NRXN2: variants seen among roughly 807,000 people sequenced by gnomAD.
The protein encoded by NRXN2 is neurexin-2-beta.
In NRXN2, 29 loss-of-function variants were observed where a neutral mutation model predicts 128.8. The ratio of observed to expected loss-of-function variants is 0.23; its 90% confidence interval spans 0.17 to 0.31. The LOEUF (loss-of-function observed/expected upper bound fraction) is 0.31. Among genes scored for constraint, NRXN2 ranks in the 10% least tolerant of loss-of-function variants. The pLI is 1.00. For missense variants in NRXN2, 1,881 were observed against 2,452.6 expected (o/e 0.77, Z 4.92); for synonymous variants, 1,098 against 1,075.2 (o/e 1.02, Z -0.41).
At chr11:64,634,988 C>G (rs1175482680) in intron 18 of NRXN2, among the ~76,000 whole-genome samples, 1 of 152,144 alleles carries the variant, frequency 6.6e-6, no homozygotes, top group African/African-American at 2.4e-5. Context: ...CCCTTGACTA[C>G]TTTTAGGAAG....
chr11:64,701,609 C>T (rs992507025), intron 2 of NRXN2, among the ~76,000 whole-genome samples: 1 of 152,142 alleles, frequency 6.6e-6, no homozygotes, highest in Non-Finnish European at 1.5e-5. Flanking sequence ...TGTAATGGCT[C>T]GTGTCAGTAC....
At chr11:64,659,812 A>G in intron 11 of NRXN2, 1 of 207,334 alleles carries the variant, frequency 4.8e-6, no homozygotes, top group Non-Finnish European at 9.9e-6. Flanking sequence ...ACACACATGC[A>G]CCTCCACACA....
rs375395072 is a variant in NRXN2, at chr11:64,651,160, T to C, written c.2918+95A>G. The C allele has an allele frequency of 3.5e-5, 54 of 1,539,214 alleles. No homozygotes were observed. The highest frequency in any genetic ancestry group is 1.6e-4 in the East Asian group (7 of 44,558). Reference sequence around the variant, plus strand: ...AATCTTGACTTGTGATCTGGGGGGATTGGACACCTCGGCCAGTAGCCAGGA... The same window carrying C: ...AATCTTGACTTGTGATCTGGGGGGACTGGACACCTCGGCCAGTAGCCAGGA... On this transcript the variant is annotated intron_variant, in intron 14 of 22. Coordinates refer to ENST00000265459, the MANE Select transcript of NRXN2 (RefSeq NM_015080.4). The surrounding 1 kb of genome is among the most constrained non-coding windows in gnomAD (Gnocchi z 5.9).
At chr11:64,669,304 C>G (rs1156405448) in intron 7 of NRXN2, among the ~76,000 whole-genome samples, 1 of 152,196 alleles carries the variant, frequency 6.6e-6, no homozygotes, top group Non-Finnish European at 1.5e-5. Flanking sequence ...CTTCACTCCT[C>G]AGGTCTCCTT....
chr11:64,705,296 G>GCTCA (rs1565460054), intron 2 of NRXN2, among the ~76,000 whole-genome samples: 1 of 152,152 alleles, frequency 6.6e-6, no homozygotes, highest in African/African-American at 2.4e-5. Flanking sequence ...TCAGCTCAGG[G>GCTCA]CTCAGATCCC....
Position 64,620,322 on chromosome 11 carries a change from C to G in NRXN2, c.4224G>C (p.Glu1408Asp). Residue 1408 changes from glutamate (E) to aspartate (D), a missense_variant, in exon 22 of 23, where the codon GAG (glutamate) becomes GAC (aspartate). Coordinates refer to ENST00000265459, the MANE Select transcript of NRXN2 (RefSeq NM_015080.4). ...TACTGGGCTCACACTCCTCCAGGTC[C>G]TCATCATCGCTTGGACACTCAGCAG... ...VASAECPSDD[E>D]DLEECEPSTG... 6.4e-7 allele frequency: 1 copy of G among 1,554,164 alleles called. No individual in the cohort carries two copies. Among genetic ancestry groups the G allele is most frequent in the Non-Finnish European group, 8.7e-7 (1 of 1,148,350 alleles).
intron 2 of NRXN2, among the ~76,000 whole-genome samples, chr11:64,701,891 C>T (rs1224803093): frequency 1.7e-5 from 2 of 115,920 alleles, no homozygotes; most frequent in South Asian, 2.9e-4. Flanking sequence ...CCGCTCTGTC[C>T]GGGAGGGAGG....
Position 64,650,777 on chromosome 11 carries a change from C to A in NRXN2, c.2919-139G>T. ...AAAGGGAGACCCCAGAGGAGAGCGA[C>A]CAAAACCAATGGCAAGAGGGCTATG... On this transcript the variant is annotated intron_variant, in intron 14 of 22. Transcript: ENST00000265459. The A allele has an allele frequency of 3.9e-6, 3 of 760,930 alleles. No individual in the cohort carries two copies. In the South Asian group the frequency reaches 4.9e-5, roughly 12 times the overall value. 47.1% of individuals were successfully genotyped at this position (760,930 alleles called of 1,614,324 possible). A position where few individuals can be genotyped will look rare whatever the true frequency, so the allele number is the denominator to read the frequency against.
At chr11:64,719,065 A>G (rs1441361707) in intron 1 of NRXN2, among the ~76,000 whole-genome samples, 1 of 152,214 alleles carries the variant, frequency 6.6e-6, no homozygotes, top group Non-Finnish European at 1.5e-5. Context: ...ATTAACATAC[A>G]TAAAGCTCCT....
At chr11:64,715,370 G>A (rs2057268224) in intron 1 of NRXN2, among the ~76,000 whole-genome samples, 1 of 152,152 alleles carries the variant, frequency 6.6e-6, no homozygotes, top group Non-Finnish European at 1.5e-5. Context: ...AGCATCCCCA[G>A]GAAATAGACA....
intron 22 of NRXN2, among the ~76,000 whole-genome samples, chr11:64,612,553 C>T (rs2040837147): frequency 6.6e-6 from 1 of 152,038 alleles, no homozygotes; most frequent in Admixed American, 6.5e-5. Context: ...CCAGGGGGAC[C>T]ACCAGCCATT....
intron 22 of NRXN2, among the ~76,000 whole-genome samples, chr11:64,619,972 C>G (rs906487978): frequency 1.3e-5 from 2 of 152,154 alleles, no homozygotes; most frequent in African/African-American, 2.4e-5. Flanking sequence ...TTCACCCTCC[C>G]CCACCCCAGG....
intron 22 of NRXN2, among the ~76,000 whole-genome samples, chr11:64,613,937 T>C (rs1215424395): frequency 6.6e-6 from 1 of 152,100 alleles, no homozygotes; most frequent in Non-Finnish European, 1.5e-5. Context: ...GTCTGGGCAC[T>C]GAGGGAAAGG....
intron 12 of NRXN2, among the ~76,000 whole-genome samples, chr11:64,653,010 C>T (rs1182846445): frequency 6.6e-6 from 1 of 150,868 alleles, no homozygotes; most frequent in Non-Finnish European, 1.5e-5. Flanking sequence ...AGTCTCTCTG[C>T]CTGGGCCTAC....
rs557438923 is a variant in NRXN2 at position 64,682,071 on chromosome 11, TGGACTCCATCCTTGA to T, written c.1152+3560_1152+3574del. On this transcript the variant is annotated intron_variant, in intron 6 of 22. Transcript: ENST00000265459. ...CATCTTTGGGGGGCTACACTCTTGC[TGGACTCCATCCTTGA>T]GGACTGCATCCTTGGTGGACTCCAA... Among the ~76,000 whole-genome samples the T allele has an allele frequency of 2.0e-4, 31 of 151,758 alleles. No individual in the cohort carries two copies. In the South Asian group the frequency reaches 4.4e-3, roughly 21 times the overall value.
At chr11:64,677,074 G>GC in intron 6 of NRXN2, 37 bp from the exon 7 acceptor site, 2 of 1,114,014 alleles carry the variant, frequency 1.8e-6, no homozygotes, top group Admixed American at 2.2e-5. Flanking sequence ...GAGGAGGGGG[G>GC]TGTCAAAAAA....
chr11:64,708,426 C>G (rs1040621099), intron 2 of NRXN2, among the ~76,000 whole-genome samples: 30 of 152,332 alleles, frequency 2.0e-4, no homozygotes, highest in African/African-American at 7.0e-4. Context: ...TCTCCACACA[C>G]ACAGGTGACA....
intron 1 of NRXN2, among the ~76,000 whole-genome samples, chr11:64,719,940 C>T (rs772025159): frequency 6.6e-6 from 1 of 152,210 alleles, no homozygotes; most frequent in African/African-American, 2.4e-5. Flanking sequence ...TTCTATGTGT[C>T]TTACAAATAC....
At chr11:64,684,908 G>A (rs954913707) in intron 6 of NRXN2, among the ~76,000 whole-genome samples, 9 of 152,206 alleles carry the variant, frequency 5.9e-5, no homozygotes, top group East Asian at 1.9e-4. Flanking sequence ...GAGCACCTGC[G>A]TGGGCTTGCC....
Sources: gnomAD v4.1 joint callset for allele counts (sites outside exome capture counted in the v4.1 genomes callset) on GRCh38, gnomAD v4.1.1 for gene constraint, Gnocchi (gnomAD v3.1) non-coding constraint, MANE v1.5 for transcripts, NCBI Gene and HGNC (gene_info 2026-07-23, HGNC 2026-07-21) for gene names.